Variants in FHAD1 observed in about 807,000 individuals in gnomAD.
The protein encoded by FHAD1 is forkhead-associated domain-containing protein 1.
FHAD1 carries 146 observed loss-of-function variants against 191.3 expected under a neutral mutation model. The ratio of observed to expected loss-of-function variants is 0.76; its 90% CI spans 0.67 to 0.88. FHAD1 has a LOEUF of 0.88. FHAD1 is among the 40% of genes least tolerant of loss of function. The pLI, the probability that FHAD1 is intolerant of heterozygous loss-of-function variation, is 0.00. For synonymous variants in FHAD1, 616 were observed against 672.3 expected, an observed-to-expected ratio of 0.92 and a Z score of 1.29; for missense variants, 1,635 against 1,785.8, an observed-to-expected ratio of 0.92 and a Z score of 1.52.
upstream of FHAD1, among the ~76,000 whole-genome samples, chr1:15,246,791 C>G (rs1231870305): frequency 6.6e-6 from 1 of 152,094 alleles, no homozygotes; most frequent in Non-Finnish European, 1.5e-5. Context: ...CTTTCCCAAT[C>G]CCCACCCCAC....
intron 22 of FHAD1, among the ~76,000 whole-genome samples, chr1:15,361,931 G>C (rs972385654): frequency 1.3e-5 from 2 of 151,906 alleles, no homozygotes; most frequent in African/African-American, 4.8e-5. Flanking sequence ...TTGAACCCGG[G>C]AGGCGGAGCT....
At chr1:15,274,080 C>T (rs2101365450) in intron 3 of FHAD1, among the ~76,000 whole-genome samples, 1 of 152,330 alleles carries the variant, frequency 6.6e-6, no homozygotes, top group East Asian at 1.9e-4. Context: ...ACTGTCCTTC[C>T]TTTTGAAAGC....
chr1:15,338,764 T>TC (rs1685310812), intron 14 of FHAD1, among the ~76,000 whole-genome samples: 2 of 152,228 alleles, frequency 1.3e-5, no homozygotes, highest in Non-Finnish European at 2.9e-5. Context: ...TCTGACACCC[T>TC]CACCCTCCCC....
intron 4 of FHAD1, among the ~76,000 whole-genome samples, chr1:15,292,453 C>A (rs1665154678): frequency 6.6e-6 from 1 of 152,234 alleles, no homozygotes; most frequent in South Asian, 2.1e-4. Flanking sequence ...CCTGCCTCAG[C>A]CTCCCGAGTA....
At chr1:15,341,378 G>A (rs1686622451) in intron 15 of FHAD1, among the ~76,000 whole-genome samples, 1 of 152,150 alleles carries the variant, frequency 6.6e-6, no homozygotes, top group Non-Finnish European at 1.5e-5. Flanking sequence ...GCTCCTACAT[G>A]ACTGCTTTTT....
At position 15,367,628 on chromosome 1, in the gene FHAD1, G is replaced by T. The variant is rs1341033640; in HGVS notation, c.3314+6G>T. 6 of 1,540,818 alleles carry T rather than the reference G, an allele frequency of 3.9e-6. No homozygotes were observed. Among genetic ancestry groups the T allele is most frequent in the Non-Finnish European group, 5.2e-6 (6 of 1,143,528 alleles). On this transcript the variant is annotated splice_donor_region_variant and intron_variant, in intron 25 of 33. Coordinates refer to ENST00000688493, the MANE Select transcript of FHAD1 (RefSeq NM_001391957.1). ...GCCCTTGAGGAGGCACTCAGGTTGG[G>T]TGGGCGGGGGCCGGGTTGGGGGGAT...
Position 15,367,469 on chromosome 1 carries a change from T to C in FHAD1, c.3161T>C (p.Leu1054Pro), listed in dbSNP as rs1176737516. 5.8e-6 allele frequency: 9 copies of C among 1,550,874 alleles called. No homozygotes were observed. The highest frequency in any genetic ancestry group is 6.1e-6 in the Non-Finnish European group (7 of 1,146,760). The change falls in exon 25 of 34, where the codon CTA (leucine) becomes CCA (proline). Residue 1054 changes from leucine (L) to proline (P), a missense_variant. Leu to Pro is a moderately conservative substitution (Grantham distance 98, BLOSUM62 -3). Transcript: ENST00000688493. ...GCCCTCCTGTCACTCGCAGGGGAGC[T>C]AAACGAGAAGCAGAAGATGGAACTG... ...HSRMSDLRGE[L>P]NEKQKMELEQ...
intron 21 of FHAD1, among the ~76,000 whole-genome samples, chr1:15,358,766 G>A (rs951025361): frequency 6.6e-6 from 1 of 152,092 alleles, no homozygotes; most frequent in Non-Finnish European, 1.5e-5. Context: ...ATTAGGGCTC[G>A]ATGTGCATTC....
At chr1:15,348,620 A>G (rs1689736974) in intron 18 of FHAD1, among the ~76,000 whole-genome samples, 1 of 152,202 alleles carries the variant, frequency 6.6e-6, no homozygotes, top group East Asian at 1.9e-4. Flanking sequence ...ACTTATTTCA[A>G]TAATGGAAAT....
In FHAD1 at chr1:15,380,691, C is replaced by G; in HGVS notation, c.3706-10C>G. ...GTCAAGAGAGGCCTTTCATTTCTTT[C>G]TGATTTCAGCCTCAGAATGGCCTTT... On this transcript the variant is annotated splice_polypyrimidine_tract_variant and intron_variant, in intron 28 of 33. Transcript: ENST00000688493. 9 of 1,550,362 alleles carry G rather than the reference C, an allele frequency of 5.8e-6. No individual in the cohort carries two copies. Among genetic ancestry groups the G allele is most frequent in the South Asian group, 3.6e-5 (3 of 84,016 alleles).
chr1:15,251,286 C>CA (rs956939838), intron 1 of FHAD1, among the ~76,000 whole-genome samples: 134 of 96,182 alleles, frequency 1.4e-3, no homozygotes, highest in African/African-American at 6.4e-3. Context: ...AAAAAAAAAA[C>CA]AAAAAAAACC....
intron 11 of FHAD1, chr1:15,326,672 A>G (rs1206429897): frequency 6.1e-6 from 1 of 164,540 alleles, no homozygotes; most frequent in East Asian, 1.8e-4. Context: ...TGACTACACA[A>G]TTTACTTGGA....
Position 15,360,702 on chromosome 1 carries a change from AG to A in FHAD1, c.2962+1del. The A allele has an allele frequency of 6.4e-7, 1 of 1,551,338 alleles. No homozygotes were observed. The highest frequency in any genetic ancestry group is 1.2e-5 in the South Asian group (1 of 84,052). ...EIATLKDNDP[A>X]PKEERPQDPL... ...TTGCAACATTGAAGGACAATGACCC[AG>A]GTAAGTCCGAAGGGAGGCCAAGGAA... On this transcript the variant is annotated frameshift_variant and splice_region_variant, in exon 22 of 34. Coordinates refer to ENST00000688493, the MANE Select transcript of FHAD1 (RefSeq NM_001391957.1). LOFTEE classifies it high-confidence loss of function.
In FHAD1 at chr1:15,289,500, C is replaced by T. The variant is rs749610562; in HGVS notation, c.402C>T (p.Pro134=). The change falls in exon 4 of 34, where the codon CCC becomes CCT. Residue 134 remains proline (P), a synonymous_variant. Coordinates refer to ENST00000688493, the MANE Select transcript of FHAD1 (RefSeq NM_001391957.1). The surrounding 1 kb of genome is among the most constrained non-coding windows in gnomAD (Gnocchi z 4.2). ...PNQAPPPSHI[P]FHQGVQPAPM... ...AGGCCCCCCCACCATCACATATCCC[C>T]TTCCACCAAGGTGTCCAGCCAGCAC... is the stretch of plus-strand genomic sequence containing the variant. The T allele has an allele frequency of 1.3e-6, 2 of 1,551,792 alleles. No homozygotes were observed. The highest frequency in any genetic ancestry group is 1.4e-5 in the African/African-American group (1 of 73,070).
At chr1:15,380,863 G>A (rs1055226801) in intron 29 of FHAD1, 67 bp downstream of exon 29, 11 of 1,171,786 alleles carry the variant, frequency 9.4e-6, no homozygotes, top group South Asian at 2.7e-5. Context: ...AGTGTTGAAC[G>A]CAGGATAGTT....
In FHAD1 at chr1:15,316,729, G is replaced by A. The variant is rs1302168866; in HGVS notation, c.1260+262G>A. 6.6e-6 allele frequency among the ~76,000 whole-genome samples: 1 copy of A among 152,222 alleles called. No homozygotes were observed. The highest frequency in any genetic ancestry group is 1.5e-5 in the Non-Finnish European group (1 of 68,038). On this transcript the variant is annotated intron_variant, in intron 9 of 33. Transcript: ENST00000688493. This position sits in a 1 kb window ranked among gnomAD's most constrained non-coding sequence, Gnocchi z 4.3. Reference sequence around the variant, plus strand: ...CAGGTTGGGGTTGAGACCGGGGACAGGGACAGGAGGCTGGCCAGCTGGCCA... The same window carrying A: ...CAGGTTGGGGTTGAGACCGGGGACAAGGACAGGAGGCTGGCCAGCTGGCCA...
At chr1:15,295,445 CA>C (rs1188991756) in intron 4 of FHAD1, among the ~76,000 whole-genome samples, 4 of 151,936 alleles carry the variant, frequency 2.6e-5, no homozygotes, top group African/African-American at 9.7e-5. Context: ...CCTGTCTCTA[CA>C]AAAAATTAAA....
At chr1:15,358,968 A>C (rs1385751085) in intron 21 of FHAD1, among the ~76,000 whole-genome samples, 3 of 152,054 alleles carry the variant, frequency 2.0e-5, no homozygotes, top group African/African-American at 4.8e-5. Context: ...CGTGGGGGGA[A>C]GGGAGTCTCT....
rs1658367565 is a variant in FHAD1 at position 15,276,327 on chromosome 1, C to T, written c.300+3798C>T. ...GCCACCTGCCTCCACTGTGAGCCTT[C>T]CCATGGACAGAAAACCTCCCAAGAC... On this transcript the variant is annotated intron_variant, in intron 3 of 33. Coordinates refer to ENST00000688493, the MANE Select transcript of FHAD1 (RefSeq NM_001391957.1). This position sits in a 1 kb window ranked among gnomAD's most constrained non-coding sequence, Gnocchi z 4.7. Among the ~76,000 whole-genome samples, 1 of 152,192 alleles carries T rather than the reference C, an allele frequency of 6.6e-6. No homozygotes were observed. Among genetic ancestry groups the T allele is most frequent in the Non-Finnish European group, 1.5e-5 (1 of 68,036 alleles).
Sources: gnomAD v4.1 joint callset for allele counts (sites outside exome capture counted in the v4.1 genomes callset) on GRCh38, gnomAD v4.1.1 for gene constraint, Gnocchi (gnomAD v3.1) non-coding constraint, MANE v1.5 for transcripts, NCBI Gene and HGNC (gene_info 2026-07-23, HGNC 2026-07-21) for gene names.